Variants in MTTP observed in about 807,000 individuals in gnomAD.
MTTP encodes microsomal triglyceride transfer protein large subunit.
A neutral mutation model predicts 90.6 loss-of-function variants in MTTP; 49 were observed. That is an observed-to-expected ratio of 0.54 (90% CI 0.43 to 0.69). The LOEUF (loss-of-function observed/expected upper bound fraction) is 0.69. Ranked by LOEUF, MTTP falls within the 30% of genes least tolerant of loss-of-function variation. The pLI, the probability that MTTP is intolerant of heterozygous loss-of-function variation, is 0.00. For missense variants in MTTP, 945 were observed against 1,067.5 expected (o/e 0.89, Z 1.60); for synonymous variants, 347 against 384.2 (o/e 0.90, Z 1.13).
At position 99,622,775 on chromosome 4, in the gene MTTP, A is replaced by C; in HGVS notation, c.2612A>C (p.His871Pro). The C allele has an allele frequency of 6.2e-7, 1 of 1,614,132 alleles. No individual in the cohort carries two copies. Among genetic ancestry groups the C allele is most frequent in the Non-Finnish European group, 8.5e-7 (1 of 1,179,980 alleles). The part of the protein sequence containing the change: ...SVLAGCEFPL[H>P]QENSEMCKVV... ...TTAGCAGGATGTGAATTCCCGCTCC[A>C]TCAAGAGAACTCAGAGATGTGCAAA... Residue 871 changes from histidine (H) to proline (P), a missense_variant, in exon 18 of 18, where the codon CAT becomes CCT. Transcript: ENST00000265517.
At chr4:99,592,576 T>C (rs1434370306) in intron 6 of MTTP, among the ~76,000 whole-genome samples, 1 of 146,716 alleles carries the variant, frequency 6.8e-6, no homozygotes, top group Non-Finnish European at 1.5e-5. Context: ...GACATAAGCA[T>C]ATATATTAGC....
Position 99,612,884 on chromosome 4 carries a change from G to A in MTTP, c.1990-29G>A, listed in dbSNP as rs2718684. Reference sequence around the variant, plus strand: ...TTTACAGAGCAGGCAGGGAGCTTGCGTCATGAACATTATATTGATTTTATC... The same window carrying A: ...TTTACAGAGCAGGCAGGGAGCTTGCATCATGAACATTATATTGATTTTATC... On this transcript the variant is annotated intron_variant, in intron 14 of 17. Coordinates refer to ENST00000265517, the MANE Select transcript of MTTP (RefSeq NM_001386140.1). The A allele has an allele frequency of 0.16, 255,615 of 1,590,138 alleles. 21,971 individuals are homozygous for A. Among genetic ancestry groups the A allele is most frequent in the African/African-American group, 0.29 (21,780 of 74,354 alleles).
At chr4:99,573,368 C>CA (rs1724880063), upstream of MTTP, among the ~76,000 whole-genome samples, 1 of 152,110 alleles carries the variant, frequency 6.6e-6, no homozygotes, top group African/African-American at 2.4e-5. Flanking sequence ...GCCTTGTATT[C>CA]AAAATCCCTA....
rs550323184 is a variant in MTTP, at chr4:99,584,442, T to C, written c.393+925T>C. 2.6e-5 allele frequency among the ~76,000 whole-genome samples: 4 copies of C among 152,290 alleles called. No individual in the cohort carries two copies. The South Asian group carries it at 8.3e-4, about 32-fold the overall frequency. On this transcript the variant is annotated intron_variant, in intron 3 of 17. Transcript: ENST00000265517. ...ACTTTATTTATTTTCAACTGAAGTA[T>C]TTGAAAACAAATACTTTGGACATTT...
chr4:99,604,641 T>C (rs1232765091), intron 10 of MTTP, among the ~76,000 whole-genome samples: 1 of 152,154 alleles, frequency 6.6e-6, no homozygotes, highest in Non-Finnish European at 1.5e-5. Context: ...TTGAGTGCCA[T>C]TGCAACTAGT....
At chr4:99,584,473 A>G (rs1246983213) in intron 3 of MTTP, among the ~76,000 whole-genome samples, 2 of 152,130 alleles carry the variant, frequency 1.3e-5, no homozygotes, top group Admixed American at 1.3e-4. Context: ...CATTTCATAT[A>G]TGTATATTGC....
At chr4:99,614,961 C>G (rs1467580541) in intron 15 of MTTP, among the ~76,000 whole-genome samples, 1 of 152,178 alleles carries the variant, frequency 6.6e-6, no homozygotes, top group Non-Finnish European at 1.5e-5. Context: ...AAACAGTTCT[C>G]AAATTATATC....
chr4:99,581,999 A>C lies in MTTP; in HGVS notation c.156A>C (p.Gln52His), dbSNP rs1725129954. 6.2e-7 allele frequency: 1 copy of C among 1,614,128 alleles called. No homozygotes were observed. Among genetic ancestry groups the C allele is most frequent in the Admixed American group, 1.7e-5 (1 of 60,012 alleles). The change falls in exon 2 of 18, where the codon CAA becomes CAC. Residue 52 changes from glutamine (Q) to histidine (H), a missense_variant. Gln to His is a conservative substitution (Grantham distance 24, BLOSUM62 0). Coordinates refer to ENST00000265517, the MANE Select transcript of MTTP (RefSeq NM_001386140.1). Reference protein sequence around the residue: ...VLLDRGKGKLQDSVGYRISSN... With the variant: ...VLLDRGKGKLHDSVGYRISSN... Reference sequence around the variant, plus strand: ...TTGATCGGGGCAAAGGAAAACTGCAAGACAGCGTGGGCTACCGCATTTCCT... The same window carrying C: ...TTGATCGGGGCAAAGGAAAACTGCACGACAGCGTGGGCTACCGCATTTCCT...
chr4:99,600,269 A>C (rs928819740), intron 8 of MTTP, among the ~76,000 whole-genome samples: 1 of 152,138 alleles, frequency 6.6e-6, no homozygotes, highest in Non-Finnish European at 1.5e-5. Context: ...TATTTATATA[A>C]TTTTTACTTA....
intron 1 of MTTP, among the ~76,000 whole-genome samples, chr4:99,577,881 C>A (rs147931646): frequency 0.043 from 6,548 of 152,066 alleles, 153 homozygotes; most frequent in Non-Finnish European, 0.056. Flanking sequence ...AACCTGTACA[C>A]TTCCTTCATT....
At chr4:99,583,583 A>G (rs1366920541) in intron 3 of MTTP, 66 bp downstream of exon 3, 1 of 1,581,456 alleles carries the variant, frequency 6.3e-7, no homozygotes, top group East Asian at 2.2e-5. Flanking sequence ...TTCAGTAGAT[A>G]TTATTTTGAG....
At chr4:99,570,655 C>A, upstream of MTTP, 1 of 454,796 alleles carries the variant, frequency 2.2e-6, no homozygotes. Flanking sequence ...TTAAAGTTAC[C>A]AATCCACAGA....
chr4:99,572,829 G>A (rs1378053983), upstream of MTTP, among the ~76,000 whole-genome samples: 2 of 152,036 alleles, frequency 1.3e-5, no homozygotes, highest in African/African-American at 4.8e-5. Context: ...CATCTGTAAT[G>A]AAACAATCTC....
chr4:99,566,083 A>G (rs1437633240), intron 1 of MTTP, among the ~76,000 whole-genome samples: 1 of 151,946 alleles, frequency 6.6e-6, no homozygotes, highest in Non-Finnish European at 1.5e-5. Context: ...AGGTCAGGAG[A>G]TCAAGACCAC....
At chr4:99,587,354 T>C (rs565916095) in intron 3 of MTTP, among the ~76,000 whole-genome samples, 4 of 152,172 alleles carry the variant, frequency 2.6e-5, no homozygotes, top group African/African-American at 9.6e-5. Flanking sequence ...TAAAAACTAA[T>C]AGAAAGGATT....
At chr4:99,566,771 G>T (rs1724712430) in intron 1 of MTTP, among the ~76,000 whole-genome samples, 1 of 152,196 alleles carries the variant, frequency 6.6e-6, no homozygotes. Context: ...TTGGGCCCTA[G>T]TTGGTAGAAT....
chr4:99,596,064 T>C (rs374093284), intron 7 of MTTP, among the ~76,000 whole-genome samples: 20 of 152,124 alleles, frequency 1.3e-4, no homozygotes, highest in East Asian at 7.7e-4. Context: ...CAAAAACACC[T>C]GAATTCATAT....
At chr4:99,592,900 C>T (rs1392966186) in intron 6 of MTTP, among the ~76,000 whole-genome samples, 1 of 152,168 alleles carries the variant, frequency 6.6e-6, no homozygotes, top group Non-Finnish European at 1.5e-5. Flanking sequence ...TTGTACGTAA[C>T]TGCACGTGCT....
rs1368736961 is a variant in MTTP, at chr4:99,611,184, A to G, written c.1811A>G (p.Asn604Ser). 5 of 1,614,030 alleles carry G rather than the reference A, an allele frequency of 3.1e-6. No individual in the cohort carries two copies. The highest frequency in any genetic ancestry group is 2.2e-5 in the East Asian group (1 of 44,880). Residue 604 changes from asparagine to serine, a missense_variant, in exon 13 of 18, where the codon AAT becomes AGT. Physicochemically the swap from Asn to Ser is conservative, Grantham distance 46. Coordinates refer to ENST00000265517, the MANE Select transcript of MTTP (RefSeq NM_001386140.1). ...GTTCTGAAGGAAATGGTCGCTCACA[A>G]TTATGACCGTTTCTCCAGGAGTGGA... Reference protein sequence around the residue: ...RRVLKEMVAHNYDRFSRSGSS... With the variant: ...RRVLKEMVAHSYDRFSRSGSS...
Sources: gnomAD v4.1 joint callset for allele counts (sites outside exome capture counted in the v4.1 genomes callset) on GRCh38, gnomAD v4.1.1 for gene constraint, MANE v1.5 for transcripts, NCBI Gene and HGNC (gene_info 2026-07-23, HGNC 2026-07-21) for gene names.